Variants in FGF12 observed in about 807,000 individuals in gnomAD.
FGF12 encodes the protein fibroblast growth factor 12B.
A neutral mutation model predicts 23.6 loss-of-function variants in FGF12; 14 were observed. That is an observed-to-expected ratio of 0.59 (90% CI 0.39 to 0.93). FGF12 has a LOEUF of 0.93. Among genes scored for constraint, FGF12 ranks in the 40% least tolerant of loss-of-function variants. The pLI, the probability that FGF12 is intolerant of heterozygous loss-of-function variation, is 0.00. For missense variants in FGF12, 175 were observed against 217.8 expected (o/e 0.80, Z 1.24); for synonymous variants, 62 against 77.3 (o/e 0.80, Z 1.04).
intron 2 of FGF12, among the ~76,000 whole-genome samples, chr3:192,509,262 G>A (rs891854658): frequency 3.3e-5 from 5 of 152,134 alleles, no homozygotes; most frequent in South Asian, 2.1e-4. Context: ...ACACAGAGTC[G>A]GGCAAATGGA....
intron 2 of FGF12, among the ~76,000 whole-genome samples, chr3:192,617,532 T>C (rs1049832140): frequency 1.3e-5 from 2 of 152,110 alleles, no homozygotes; most frequent in African/African-American, 2.4e-5. Flanking sequence ...AGTCTTGAAA[T>C]TGGTGTTATA....
chr3:192,490,468 TAA>T (rs551445351), intron 2 of FGF12, among the ~76,000 whole-genome samples: 107 of 152,206 alleles, frequency 7.0e-4, no homozygotes, highest in Non-Finnish European at 9.3e-4. Context: ...TATAAACATA[TAA>T]GTGTGTATGT....
chr3:192,327,626 C>G (rs1053513993), intron 4 of FGF12, among the ~76,000 whole-genome samples: 4 of 151,654 alleles, frequency 2.6e-5, no homozygotes, highest in Non-Finnish European at 5.9e-5. Context: ...GATAAGTGTG[C>G]TAAGCACATC....
chr3:192,210,993 C>A (rs73887261), intron 4 of FGF12, among the ~76,000 whole-genome samples: 4,622 of 152,134 alleles, frequency 0.03, 226 homozygotes, highest in African/African-American at 0.1. Flanking sequence ...GGAGAGATTG[C>A]AAGGTTTAAA....
intron 3 of FGF12, among the ~76,000 whole-genome samples, chr3:192,340,950 T>C (rs1717661537): frequency 6.6e-6 from 1 of 151,946 alleles, no homozygotes; most frequent in African/African-American, 2.4e-5. Flanking sequence ...AAGCAAAAAC[T>C]AGACAAGTGG....
At chr3:192,335,982 TTCAG>T (rs2108700972) in intron 3 of FGF12, among the ~76,000 whole-genome samples, 1 of 152,068 alleles carries the variant, frequency 6.6e-6, no homozygotes, top group African/African-American at 2.4e-5. Context: ...GGTGATAACA[TTCAG>T]ACAAAACTTT....
intron 2 of FGF12, among the ~76,000 whole-genome samples, chr3:192,383,218 C>T (rs376623917): frequency 8.7e-4 from 132 of 152,310 alleles, no homozygotes; most frequent in African/African-American, 3.0e-3. Flanking sequence ...TTATACTTTT[C>T]TGAGCTAATG....
At chr3:192,366,276 A>G (rs1718980664) in intron 2 of FGF12, among the ~76,000 whole-genome samples, 1 of 152,202 alleles carries the variant, frequency 6.6e-6, no homozygotes, top group Non-Finnish European at 1.5e-5. Context: ...TGTGCAAGAA[A>G]TATGTATCTA....
intron 4 of FGF12, among the ~76,000 whole-genome samples, chr3:192,176,447 G>A (rs906170540): frequency 7.9e-5 from 12 of 152,138 alleles, no homozygotes; most frequent in Non-Finnish European, 1.6e-4. Context: ...TTTTTATGAA[G>A]CCAAGCAATT....
At chr3:192,305,734 T>C (rs551378571) in intron 4 of FGF12, among the ~76,000 whole-genome samples, 10 of 148,062 alleles carry the variant, frequency 6.8e-5, no homozygotes, top group African/African-American at 2.2e-4. Context: ...TGTGAAAAGA[T>C]CTAGAGTTAA....
intron 2 of FGF12, among the ~76,000 whole-genome samples, chr3:192,687,059 G>C (rs1257607075): frequency 6.6e-6 from 1 of 150,886 alleles, no homozygotes; most frequent in Non-Finnish European, 1.5e-5. Context: ...TCCATCTCCT[G>C]ACCTCGTGAT....
chr3:192,324,159 G>A lies in FGF12; in HGVS notation c.228+11202C>T, dbSNP rs185236584. On this transcript the variant is annotated intron_variant, in intron 4 of 5. Coordinates refer to ENST00000445105, the MANE Select transcript of FGF12 (RefSeq NM_004113.6). ...CCCCATAAATATATATGCCTACCAC[G>A]TGCCCACAAAACTTAAAATTAAAAA... 2.6e-5 allele frequency among the ~76,000 whole-genome samples: 4 copies of A among 151,708 alleles called. No homozygotes were observed. In the East Asian group the frequency reaches 5.8e-4, roughly 22 times the overall value.
intron 2 of FGF12, among the ~76,000 whole-genome samples, chr3:192,376,472 C>T (rs993777016): frequency 6.6e-6 from 1 of 152,042 alleles, no homozygotes; most frequent in Non-Finnish European, 1.5e-5. Context: ...AAACAATTCT[C>T]CTGCCTCAGC....
chr3:192,335,610 G>A, intron 3 of FGF12, 146 bp from the exon 4 acceptor site: 1 of 618,210 alleles, frequency 1.6e-6, no homozygotes, highest in Non-Finnish European at 2.9e-6. Context: ...CTAAAAACGA[G>A]AGAAATTGAC....
At chr3:192,201,825 T>A (rs1717382735) in intron 4 of FGF12, among the ~76,000 whole-genome samples, 1 of 152,246 alleles carries the variant, frequency 6.6e-6, no homozygotes, top group Non-Finnish European at 1.5e-5. Context: ...GGACTGTAAT[T>A]AATGACTTTG....
In FGF12 at chr3:192,279,230, G is replaced by GTATATA. The variant is rs59504943; in HGVS notation, c.228+56125_228+56130dup. ...TAAGTCATGCTTGGTTAATGTATGA[G>GTATATA]TATATATATATATATATATATATAA... On this transcript the variant is annotated intron_variant, in intron 4 of 5. Coordinates refer to ENST00000445105, the MANE Select transcript of FGF12 (RefSeq NM_004113.6). Among the ~76,000 whole-genome samples, 120 of 131,948 alleles carry GTATATA rather than the reference G, an allele frequency of 9.1e-4. 1 individual carries two copies. Among genetic ancestry groups the GTATATA allele is most frequent in the South Asian group, 1.2e-3 (5 of 4,238 alleles). 86.6% of individuals were successfully genotyped at this position (131,948 alleles called of 152,430 possible).
intron 2 of FGF12, among the ~76,000 whole-genome samples, chr3:192,632,673 T>C (rs995673851): frequency 2.0e-5 from 3 of 152,248 alleles, no homozygotes; most frequent in African/African-American, 7.2e-5. Flanking sequence ...TCTGGTTCAT[T>C]AATTCTTATC....
intron 2 of FGF12, among the ~76,000 whole-genome samples, chr3:192,563,320 T>C (rs1248316365): frequency 6.6e-6 from 1 of 152,176 alleles, no homozygotes; most frequent in Non-Finnish European, 1.5e-5. Flanking sequence ...TATCCCAAGA[T>C]TTAATGGTTC....
chr3:192,353,560 G>A (rs1479326906), intron 3 of FGF12, among the ~76,000 whole-genome samples: 2 of 151,946 alleles, frequency 1.3e-5, no homozygotes, highest in Non-Finnish European at 2.9e-5. Flanking sequence ...TAGTAGAGAC[G>A]GGGTTTCACT....
Sources: gnomAD v4.1 joint callset for allele counts (sites outside exome capture counted in the v4.1 genomes callset) on GRCh38, gnomAD v4.1.1 for gene constraint, MANE v1.5 for transcripts, NCBI Gene and HGNC (gene_info 2026-07-23, HGNC 2026-07-21) for gene names.